The following CELF4 variants were observed in gnomAD, a reference collection of about 807,000 sequenced individuals.
CELF4 encodes CUG-BP- and ETR-3-like factor 4.
CELF4 carries 18 observed loss-of-function variants against 59.9 expected under a neutral mutation model. That is an observed-to-expected ratio of 0.30 (90% confidence interval 0.21 to 0.45). CELF4 has a LOEUF of 0.45. Among genes scored for constraint, CELF4 ranks in the 20% least tolerant of loss-of-function variants. CELF4 has a pLI of 1.00. For missense variants in CELF4, 456 were observed against 689.0 expected, an observed-to-expected ratio of 0.66 and a Z score of 3.79; for synonymous variants, 261 against 267.1, an observed-to-expected ratio of 0.98 and a Z score of 0.22.
Position 37,267,022 on chromosome 18 carries a change from A to C in CELF4, c.1100-424T>G, listed in dbSNP as rs140966676. 9.4e-4 allele frequency among the ~76,000 whole-genome samples: 143 copies of C among 152,208 alleles called. 1 individual carries two copies. The East Asian group carries it at 0.019, about 20-fold the overall frequency. On this transcript the variant is annotated intron_variant, in intron 8 of 12. Transcript: ENST00000420428. ...CTGGCAGCCCCCAGTGGGTGAAAGA[A>C]AGGGCAAGAAGGCCTCACACTACCA...
intron 2 of CELF4, among the ~76,000 whole-genome samples, chr18:37,484,994 A>G (rs1463082139): frequency 6.6e-6 from 1 of 152,188 alleles, no homozygotes; most frequent in Non-Finnish European, 1.5e-5. Context: ...TAGCCTCGAT[A>G]ATAGCCATGG....
intron 2 of CELF4, among the ~76,000 whole-genome samples, chr18:37,381,745 G>A (rs1305406065): frequency 1.3e-5 from 2 of 152,140 alleles, no homozygotes; most frequent in Non-Finnish European, 2.9e-5. Flanking sequence ...GCTGCCCTCT[G>A]GGTCAAGGCT....
chr18:37,288,795 A>G (rs2095067190), intron 3 of CELF4, among the ~76,000 whole-genome samples: 1 of 152,118 alleles, frequency 6.6e-6, no homozygotes, highest in African/African-American at 2.4e-5. Flanking sequence ...ACCATTTTGA[A>G]GGGTGGCAAC....
intron 2 of CELF4, among the ~76,000 whole-genome samples, chr18:37,444,782 G>A (rs1280884319): frequency 6.6e-6 from 1 of 152,100 alleles, no homozygotes; most frequent in African/African-American, 2.4e-5. Flanking sequence ...CCCTCCAGAC[G>A]AGGCTCCCCA....
intron 3 of CELF4, among the ~76,000 whole-genome samples, chr18:37,308,961 T>C (rs887811847): frequency 1.3e-5 from 2 of 152,148 alleles, no homozygotes; most frequent in Non-Finnish European, 2.9e-5. Flanking sequence ...TGGCTGGGCT[T>C]GCACCTGGGC....
At chr18:37,286,391 A>G (rs1414400391) in intron 3 of CELF4, among the ~76,000 whole-genome samples, 3 of 152,186 alleles carry the variant, frequency 2.0e-5, no homozygotes, top group Non-Finnish European at 4.4e-5. Context: ...TTCCAACATT[A>G]GCCACAGGCT....
intron 1 of CELF4, among the ~76,000 whole-genome samples, chr18:37,537,980 C>G (rs954434298): frequency 1.3e-5 from 2 of 152,224 alleles, no homozygotes; most frequent in African/African-American, 2.4e-5. Flanking sequence ...CCCTGTGCCC[C>G]GGAGAGTCCC....
intron 2 of CELF4, among the ~76,000 whole-genome samples, chr18:37,347,180 C>CT (rs1312135431): frequency 6.6e-6 from 1 of 152,070 alleles, no homozygotes; most frequent in East Asian, 1.9e-4. Context: ...GGTGGGAAGT[C>CT]TGTCTGTAAA....
At chr18:37,383,807 C>T (rs1457781927) in intron 2 of CELF4, among the ~76,000 whole-genome samples, 1 of 152,212 alleles carries the variant, frequency 6.6e-6, no homozygotes, top group Non-Finnish European at 1.5e-5. Context: ...GGCCAGGGCT[C>T]TGGTGGGCTA....
At chr18:37,487,201 C>CT in intron 1 of CELF4, among the ~76,000 whole-genome samples, 1 of 152,208 alleles carries the variant, frequency 6.6e-6, no homozygotes, top group East Asian at 1.9e-4. Flanking sequence ...CACCAACCAG[C>CT]CTGTACCCAG....
intron 2 of CELF4, among the ~76,000 whole-genome samples, chr18:37,345,921 T>A (rs2098239291): frequency 6.6e-6 from 1 of 152,152 alleles, no homozygotes; most frequent in Non-Finnish European, 1.5e-5. Context: ...AGGCTCCCAG[T>A]GCATGCCTGG....
intron 2 of CELF4, among the ~76,000 whole-genome samples, chr18:37,323,154 C>A (rs1329699297): frequency 6.6e-6 from 1 of 151,908 alleles, no homozygotes; most frequent in Non-Finnish European, 1.5e-5. Flanking sequence ...AAGGTGAGCA[C>A]AAGGCCAGTG....
At chr18:37,322,678 ACCAGGGTGGGCTCTACAGC>A (rs1448224393) in intron 2 of CELF4, among the ~76,000 whole-genome samples, 1 of 152,212 alleles carries the variant, frequency 6.6e-6, no homozygotes, top group Non-Finnish European at 1.5e-5. Flanking sequence ...ACCGGGAGGC[ACCAGGGTGGGCTCTACAGC>A]CCGGAGGTCT....
chr18:37,537,510 T>C (rs1255334028), intron 1 of CELF4, among the ~76,000 whole-genome samples: 8 of 152,184 alleles, frequency 5.3e-5, no homozygotes, highest in African/African-American at 1.7e-4. Context: ...CGGGTCTCTG[T>C]AAAAGGACAT....
intron 2 of CELF4, among the ~76,000 whole-genome samples, chr18:37,382,483 CCAT>C (rs1180065309): frequency 3.3e-5 from 5 of 152,214 alleles, no homozygotes; most frequent in African/African-American, 1.2e-4. Context: ...TCCCTCTTCA[CCAT>C]GTATCCTGGG....
intron 1 of CELF4, among the ~76,000 whole-genome samples, chr18:37,525,071 C>T (rs1027596901): frequency 6.6e-6 from 1 of 152,176 alleles, no homozygotes; most frequent in Non-Finnish European, 1.5e-5. Context: ...GGCCAGCCGA[C>T]CACCCTTCTG....
chr18:37,446,972 A>G (rs1268270394), intron 2 of CELF4, among the ~76,000 whole-genome samples: 1 of 152,246 alleles, frequency 6.6e-6, no homozygotes, highest in Admixed American at 6.5e-5. Context: ...GATTTCACTC[A>G]TTCACTCACT....
intron 2 of CELF4, among the ~76,000 whole-genome samples, chr18:37,481,669 G>A (rs1380285090): frequency 6.6e-6 from 1 of 152,112 alleles, no homozygotes; most frequent in African/African-American, 2.4e-5. Flanking sequence ...TGTGTGCCTC[G>A]ACTCTGGGCC....
intron 1 of CELF4, among the ~76,000 whole-genome samples, chr18:37,557,583 C>G (rs1388792248): frequency 6.6e-6 from 1 of 152,172 alleles, no homozygotes; most frequent in African/African-American, 2.4e-5. Flanking sequence ...GATCTGTAGC[C>G]ACTCTTAACA....
Sources: gnomAD v4.1 joint callset for allele counts (sites outside exome capture counted in the v4.1 genomes callset) on GRCh38, gnomAD v4.1.1 for gene constraint, MANE v1.5 for transcripts, NCBI Gene and HGNC (gene_info 2026-07-23, HGNC 2026-07-21) for gene names.